Variants in NAB1 observed in about 807,000 individuals in gnomAD.
NAB1 encodes NGFI-A-binding protein 1.
A neutral mutation model predicts 49.9 loss-of-function variants in NAB1; 25 were observed. That is an observed-to-expected ratio of 0.50 (90% confidence interval 0.37 to 0.70). The LOEUF (loss-of-function observed/expected upper bound fraction) is 0.70, where lower values mean the gene tolerates loss of function less well. Among genes scored for constraint, NAB1 ranks in the 30% least tolerant of loss-of-function variants. The probability of loss-of-function intolerance (pLI) is 0.00; values close to 1 mark genes in which losing one functional copy is unlikely to be tolerated. For missense variants in NAB1, 489 were observed against 575.9 expected (o/e 0.85, Z 1.54); for synonymous variants, 198 against 215.6 (o/e 0.92, Z 0.71).
Position 190,686,320 on chromosome 2 carries a change from T to C in NAB1, c.1258+682T>C, listed in dbSNP as rs1695604747. ...GTAGTGGAGGGAGATGTACAGGTTA[T>C]ATATCCTCTAGTTTCAAATAGTAAT... On this transcript the variant is annotated intron_variant, in intron 8 of 9. Coordinates refer to ENST00000337386, the MANE Select transcript of NAB1 (RefSeq NM_005966.4). The surrounding 1 kb of genome is among the most constrained non-coding windows in gnomAD (Gnocchi z 5.5). Among the ~76,000 whole-genome samples, 1 of 152,244 alleles carries C rather than the reference T, an allele frequency of 6.6e-6. No homozygotes were observed. The highest frequency in any genetic ancestry group is 6.5e-5 in the Admixed American group (1 of 15,288).
intron 6 of NAB1, 57 bp downstream of exon 6, chr2:190,673,209 CAA>C (rs769210836): frequency 6.5e-7 from 1 of 1,532,832 alleles, no homozygotes. Context: ...GTTTTAAGAT[CAA>C]GCAAAATCTT....
In NAB1 at chr2:190,670,526, T is replaced by C; in HGVS notation, c.953+67T>C. The C allele has an allele frequency of 2.0e-6, 3 of 1,497,670 alleles. No homozygotes were observed. Among genetic ancestry groups the C allele is most frequent in the Non-Finnish European group, 2.8e-6 (3 of 1,087,702 alleles). The allele number at this position is 1,497,670 out of a possible 1,614,324, so 92.8% of individuals were successfully genotyped here. ...GAGAAGTAGAGTTCGAAACATCATC[T>C]ATTGATAGAATATAAGCATTTCTGA... On this transcript the variant is annotated intron_variant, in intron 5 of 9. Transcript: ENST00000337386. This position sits in a 1 kb window ranked among gnomAD's most constrained non-coding sequence, Gnocchi z 5.3.
rs1694712217 is a variant in NAB1 at position 190,669,821 on chromosome 2, G to A, written c.820-505G>A. 6.6e-6 allele frequency among the ~76,000 whole-genome samples: 1 copy of A among 152,112 alleles called. No individual in the cohort carries two copies. The highest frequency in any genetic ancestry group is 2.1e-4 in the South Asian group (1 of 4,826). ...TCCAACACCTTGATTTTCCAATATA[G>A]CCCTAGTATATGATAACTCTGTTTT... On this transcript the variant is annotated intron_variant, in intron 4 of 9. Transcript: ENST00000337386. This position sits in a 1 kb window ranked among gnomAD's most constrained non-coding sequence, Gnocchi z 4.3.
Position 190,681,056 on chromosome 2 carries a change from A to C in NAB1, c.1006-2682A>C, listed in dbSNP as rs568303758. 3.4e-3 allele frequency among the ~76,000 whole-genome samples: 523 copies of C among 152,348 alleles called. 2 individuals carry two copies. Among genetic ancestry groups the C allele is most frequent in the African/African-American group, 0.012 (493 of 41,562 alleles). ...AGTTGGGTTTTGAACTCTGCAAGTC[A>C]TATAGTTAAAGCCCGTCCAGCTTAT... On this transcript the variant is annotated intron_variant, in intron 6 of 9. Coordinates refer to ENST00000337386, the MANE Select transcript of NAB1 (RefSeq NM_005966.4).
chr2:190,684,022 G>T lies in NAB1; in HGVS notation c.1095+195G>T, dbSNP rs570933262. ...CTTGGTTTGATTCAGTTTATGAACG[G>T]AATCTGATATGGTGCTACTTATTTA... is the stretch of plus-strand genomic sequence containing the variant. On this transcript the variant is annotated intron_variant, in intron 7 of 9. Coordinates refer to ENST00000337386, the MANE Select transcript of NAB1 (RefSeq NM_005966.4). The surrounding 1 kb of genome is among the most constrained non-coding windows in gnomAD (Gnocchi z 4.6). 5.9e-5 allele frequency among the ~76,000 whole-genome samples: 9 copies of T among 152,266 alleles called. No individual in the cohort carries two copies. The East Asian group carries it at 1.7e-3, about 29-fold the overall frequency.
At position 190,659,014 on chromosome 2, in the gene NAB1, A is replaced by G. The variant is rs1405326648; in HGVS notation, c.-19-144A>G. 15 of 602,064 alleles carry G rather than the reference A, an allele frequency of 2.5e-5. No homozygotes were observed. The highest frequency in any genetic ancestry group is 9.0e-5 in the Admixed American group (3 of 33,184). The allele number at this position is 602,064 out of a possible 1,614,324, so 37.3% of individuals were successfully genotyped here. ...TTAGGAGTTCAGAATGAGATAAAGT[A>G]TGTAGAGAGAATGCTGCCTTCACAG... is the stretch of plus-strand genomic sequence containing the variant. On this transcript the variant is annotated intron_variant, in intron 3 of 9. Coordinates refer to ENST00000337386, the MANE Select transcript of NAB1 (RefSeq NM_005966.4). This position sits in a 1 kb window ranked among gnomAD's most constrained non-coding sequence, Gnocchi z 6.2.
intron 4 of NAB1, among the ~76,000 whole-genome samples, chr2:190,662,138 G>A (rs1281218018): frequency 1.3e-5 from 2 of 152,138 alleles, no homozygotes; most frequent in African/African-American, 4.8e-5. Context: ...CTGTTCTGAG[G>A]ATTTTCTTCA....
chr2:190,662,312 T>C (rs1574432022), intron 4 of NAB1, among the ~76,000 whole-genome samples: 2 of 152,290 alleles, frequency 1.3e-5, no homozygotes, highest in East Asian at 3.9e-4. Context: ...TATTTGTTTA[T>C]ATATTTATAA....
At chr2:190,683,852 T>C in intron 7 of NAB1, 25 bp downstream of exon 7, 1 of 1,538,894 alleles carries the variant, frequency 6.5e-7, no homozygotes, top group Non-Finnish European at 9.0e-7. Context: ...CAGTTATTAC[T>C]CCATGATAGT....
rs1238203765 is a variant in NAB1, at chr2:190,669,608, G to A, written c.820-718G>A. On this transcript the variant is annotated intron_variant, in intron 4 of 9. Transcript: ENST00000337386. The surrounding 1 kb of genome is among the most constrained non-coding windows in gnomAD (Gnocchi z 4.3). ...AAAAAGTCTGATATACCTCTTGACA[G>A]TTTCCTATATCTATTGACAAAATTA... is the stretch of plus-strand genomic sequence containing the variant. Among the ~76,000 whole-genome samples the A allele has an allele frequency of 6.6e-6, 1 of 152,138 alleles. No homozygotes were observed. Among genetic ancestry groups the A allele is most frequent in the East Asian group, 1.9e-4 (1 of 5,202 alleles).
At position 190,675,024 on chromosome 2, in the gene NAB1, C is replaced by T. The variant is rs1695003606; in HGVS notation, c.1005+1872C>T. Among the ~76,000 whole-genome samples the T allele has an allele frequency of 6.6e-6, 1 of 152,172 alleles. No homozygotes were observed. The highest frequency in any genetic ancestry group is 2.1e-4 in the South Asian group (1 of 4,834). On this transcript the variant is annotated intron_variant, in intron 6 of 9. Transcript: ENST00000337386. The surrounding 1 kb of genome is among the most constrained non-coding windows in gnomAD (Gnocchi z 5.2). ...TGATATAACTAGTGAGATGTTTTAT[C>T]TCTTGCTCCCCCAGATAACAGGTAA...
intron 4 of NAB1, among the ~76,000 whole-genome samples, chr2:190,661,463 A>AT (rs1694222284): frequency 6.6e-6 from 1 of 152,184 alleles, no homozygotes; most frequent in African/African-American, 2.4e-5. Context: ...TTTTCTTATA[A>AT]TTTTTAAAAC....
At chr2:190,673,053 A>G (rs951727353) in intron 5 of NAB1, 48 bp from the exon 6 acceptor site, 3 of 1,568,218 alleles carry the variant, frequency 1.9e-6, no homozygotes, top group Admixed American at 1.7e-5. Context: ...GAATAAAATC[A>G]GTTACTTTCT....
intron 6 of NAB1, 122 bp from the exon 7 acceptor site, chr2:190,683,615 AT>A (rs1391585968): frequency 3.1e-6 from 2 of 643,670 alleles, no homozygotes; most frequent in Admixed American, 6.0e-5. Flanking sequence ...TTTTATAACC[AT>A]TAAAATCTTA....
rs1334724784 is a variant in NAB1, at chr2:190,667,175, T to G, written c.820-3151T>G. Among the ~76,000 whole-genome samples, 2 of 152,178 alleles carry G rather than the reference T, an allele frequency of 1.3e-5. No individual in the cohort carries two copies. Among genetic ancestry groups the G allele is most frequent in the African/African-American group, 4.8e-5 (2 of 41,438 alleles). On this transcript the variant is annotated intron_variant, in intron 4 of 9. Coordinates refer to ENST00000337386, the MANE Select transcript of NAB1 (RefSeq NM_005966.4). The surrounding 1 kb of genome is among the most constrained non-coding windows in gnomAD (Gnocchi z 4.4). ...TTGGTTTGTGGGAGCCTGAATTCAG[T>G]GACAATGAATGCATTATGTTTATTT...
rs1312431557 is a variant in NAB1, at chr2:190,652,656, G to GTATA, written c.-197+2678_-197+2681dup. Among the ~76,000 whole-genome samples the GTATA allele has an allele frequency of 6.6e-6, 1 of 152,104 alleles. No homozygotes were observed. The highest frequency in any genetic ancestry group is 1.5e-5 in the Non-Finnish European group (1 of 68,022). ...CAAATTACAGTCAATTCATTAGAAG[G>GTATA]TATATATTTAATTCATAGCTAAGAT... On this transcript the variant is annotated intron_variant, in intron 2 of 9. Transcript: ENST00000337386. The surrounding 1 kb of genome is among the most constrained non-coding windows in gnomAD (Gnocchi z 4.2).
Position 190,667,714 on chromosome 2 carries a change from T to C in NAB1, c.820-2612T>C, listed in dbSNP as rs1242992142. Among the ~76,000 whole-genome samples the C allele has an allele frequency of 6.6e-6, 1 of 152,156 alleles. No homozygotes were observed. Among genetic ancestry groups the C allele is most frequent in the East Asian group, 1.9e-4 (1 of 5,204 alleles). On this transcript the variant is annotated intron_variant, in intron 4 of 9. Transcript: ENST00000337386. The surrounding 1 kb of genome is among the most constrained non-coding windows in gnomAD (Gnocchi z 4.4). ...ATTAATATAAATTACAGTTATAAATTTGGGGAGGAGGATGTTAAATATCTA... is the reference window on the plus strand; with the variant it reads ...ATTAATATAAATTACAGTTATAAATCTGGGGAGGAGGATGTTAAATATCTA...
At position 190,676,638 on chromosome 2, in the gene NAB1, G is replaced by A. The variant is rs892780253; in HGVS notation, c.1005+3486G>A. Among the ~76,000 whole-genome samples, 1 of 152,110 alleles carries A rather than the reference G, an allele frequency of 6.6e-6. No individual in the cohort carries two copies. Among genetic ancestry groups the A allele is most frequent in the Non-Finnish European group, 1.5e-5 (1 of 68,022 alleles). ...AGGAGGCTGAGGTGGGAGAATCACT[G>A]CCCCACTGCACTCCAGCCCGGGCAA... On this transcript the variant is annotated intron_variant, in intron 6 of 9. Coordinates refer to ENST00000337386, the MANE Select transcript of NAB1 (RefSeq NM_005966.4). This position sits in a 1 kb window ranked among gnomAD's most constrained non-coding sequence, Gnocchi z 4.6.
rs1695130003 is a variant in NAB1, at chr2:190,677,486, C to T, written c.1005+4334C>T. On this transcript the variant is annotated intron_variant, in intron 6 of 9. Transcript: ENST00000337386. The surrounding 1 kb of genome is among the most constrained non-coding windows in gnomAD (Gnocchi z 5.6). Reference sequence around the variant, plus strand: ...TTAGACGGAATGAATAACATGTCCACTGGAACACAGCCCTCTGTGAGTCCA... The same window carrying T: ...TTAGACGGAATGAATAACATGTCCATTGGAACACAGCCCTCTGTGAGTCCA... 6.6e-6 allele frequency: 1 copy of T among 152,210 alleles called. No individual in the cohort carries two copies. The highest frequency in any genetic ancestry group is 2.4e-5 in the African/African-American group (1 of 41,456). The allele number at this position is 152,210 out of a possible 1,614,324, so 9.4% of individuals were successfully genotyped here.
Sources: gnomAD v4.1 joint callset for allele counts (sites outside exome capture counted in the v4.1 genomes callset) on GRCh38, gnomAD v4.1.1 for gene constraint, Gnocchi (gnomAD v3.1) non-coding constraint, MANE v1.5 for transcripts, NCBI Gene and HGNC (gene_info 2026-07-23, HGNC 2026-07-21) for gene names.